SUPT3H: variants seen among roughly 807,000 people sequenced by gnomAD.
SUPT3H encodes the protein SPT3 homolog, SAGA and STAGA complex component, also known as transcription initiation protein SPT3 homolog.
In SUPT3H, 44 loss-of-function variants were observed where a neutral mutation model predicts 44.3. The ratio of observed to expected loss-of-function variants is 0.99; its 90% confidence interval spans 0.78 to 1.28. The LOEUF (loss-of-function observed/expected upper bound fraction) is 1.28, where lower values mean the gene tolerates loss of function less well. Ranked by LOEUF, SUPT3H falls within the 50% of genes most tolerant of loss-of-function variation. The pLI, the probability that SUPT3H is intolerant of heterozygous loss-of-function variation, is 0.00. For synonymous variants in SUPT3H, 124 were observed against 125.6 expected (o/e 0.99, Z 0.09); for missense variants, 380 against 387.1 (o/e 0.98, Z 0.15).
chr6:45,308,753 AT>A (rs751565261), intron 2 of SUPT3H, among the ~76,000 whole-genome samples: 842 of 14,652 alleles, frequency 0.057, 4 homozygotes, highest in South Asian at 0.097. Flanking sequence ...AAAAAAATAA[AT>A]TTAAAAAAAA....
At chr6:45,173,167 C>T (rs1295560001) in intron 2 of SUPT3H, among the ~76,000 whole-genome samples, 2 of 152,108 alleles carry the variant, frequency 1.3e-5, no homozygotes, top group East Asian at 3.9e-4. Flanking sequence ...TAATATCTAT[C>T]ACCAAAATAA....
In SUPT3H at chr6:45,023,161, G is replaced by GA. The variant is rs373426308; in HGVS notation, c.187-2530dup. The stretch of plus-strand genomic sequence containing the variant: ...ACATAGATGTGGCCAACAAGCATTT[G>GA]AAAAAAAAAGCTCAGTAACACTGAT... On this transcript the variant is annotated intron_variant, in intron 3 of 10. Transcript: ENST00000371459. Among the ~76,000 whole-genome samples, 1,311 of 145,320 alleles carry GA rather than the reference G, an allele frequency of 9.0e-3. 24 individuals carry two copies. Among genetic ancestry groups the GA allele is most frequent in the African/African-American group, 0.031 (1,231 of 39,588 alleles).
chr6:44,912,538 A>C (rs1767217132), intron 10 of SUPT3H, among the ~76,000 whole-genome samples: 1 of 152,144 alleles, frequency 6.6e-6, no homozygotes. Flanking sequence ...GAACCTGAAC[A>C]ATGTTTGTGA....
At chr6:44,839,702 GT>G (rs915569024) in intron 10 of SUPT3H, among the ~76,000 whole-genome samples, 36 of 148,882 alleles carry the variant, frequency 2.4e-4, no homozygotes, top group East Asian at 2.0e-4. Context: ...TTCAGCACCA[GT>G]TTTTTTTTTC....
intron 9 of SUPT3H, among the ~76,000 whole-genome samples, chr6:44,938,349 G>A (rs891705748): frequency 1.3e-5 from 2 of 151,996 alleles, no homozygotes; most frequent in Non-Finnish European, 2.9e-5. Flanking sequence ...CCCAGTGTAT[G>A]CTCTTGTTAA....
intron 3 of SUPT3H, among the ~76,000 whole-genome samples, chr6:45,083,680 C>T (rs1393070371): frequency 6.6e-6 from 1 of 151,606 alleles, no homozygotes; most frequent in Non-Finnish European, 1.5e-5. Context: ...GCATCATATA[C>T]CTGACTTCAT....
At chr6:45,305,654 A>G (rs898400341) in intron 2 of SUPT3H, among the ~76,000 whole-genome samples, 6 of 152,324 alleles carry the variant, frequency 3.9e-5, no homozygotes, top group African/African-American at 1.4e-4. Context: ...TAGATGATTC[A>G]AAACCATACA....
At chr6:45,230,687 T>TATATATA (rs1562747092) in intron 2 of SUPT3H, among the ~76,000 whole-genome samples, 8 of 99,696 alleles carry the variant, frequency 8.0e-5, no homozygotes, top group South Asian at 3.1e-4. Flanking sequence ...TATATATATA[T>TATATATA]TTTTGAGATG....
At chr6:44,818,774 T>C (rs1767076440) in intron 11 of SUPT3H, among the ~76,000 whole-genome samples, 1 of 152,142 alleles carries the variant, frequency 6.6e-6, no homozygotes, top group South Asian at 2.1e-4. Flanking sequence ...CTGGAATGGC[T>C]AAAATTAAAG....
intron 10 of SUPT3H, among the ~76,000 whole-genome samples, chr6:44,836,537 G>T (rs770298916): frequency 1.3e-5 from 2 of 152,014 alleles, no homozygotes; most frequent in African/African-American, 4.8e-5. Flanking sequence ...TTTTATGCCC[G>T]ATTTTCCCTA....
chr6:45,224,890 A>G (rs763296522), intron 2 of SUPT3H, among the ~76,000 whole-genome samples: 3 of 152,156 alleles, frequency 2.0e-5, no homozygotes, highest in Non-Finnish European at 4.4e-5. Context: ...TATCATTGCC[A>G]CTATAATAAA....
chr6:45,144,134 C>T (rs2153591805), intron 2 of SUPT3H, among the ~76,000 whole-genome samples: 1 of 152,142 alleles, frequency 6.6e-6, no homozygotes, highest in East Asian at 1.9e-4. Flanking sequence ...AGAACTGACG[C>T]CACTTAGTGA....
intron 3 of SUPT3H, among the ~76,000 whole-genome samples, chr6:45,054,753 T>A (rs1240538702): frequency 6.6e-6 from 1 of 152,164 alleles, no homozygotes; most frequent in East Asian, 1.9e-4. Flanking sequence ...CTCAGCTGCC[T>A]ACTTATCAAT....
intron 2 of SUPT3H, among the ~76,000 whole-genome samples, chr6:45,364,605 T>A (rs960049826): frequency 6.6e-6 from 1 of 152,156 alleles, no homozygotes; most frequent in African/African-American, 2.4e-5. Flanking sequence ...AGAGATATAG[T>A]TTCACTTAAT....
intron 10 of SUPT3H, among the ~76,000 whole-genome samples, chr6:44,870,920 G>A (rs1475470621): frequency 1.3e-5 from 2 of 151,666 alleles, no homozygotes; most frequent in South Asian, 2.1e-4. Context: ...ACTCCCACCC[G>A]AATATTGCGC....
intron 10 of SUPT3H, among the ~76,000 whole-genome samples, chr6:44,846,539 T>G (rs975605892): frequency 6.6e-6 from 1 of 152,038 alleles, no homozygotes; most frequent in Non-Finnish European, 1.5e-5. Flanking sequence ...AAGACCAGGA[T>G]AGATGTCTAT....
At chr6:45,308,177 A>T (rs1398896942) in intron 2 of SUPT3H, among the ~76,000 whole-genome samples, 8 of 151,990 alleles carry the variant, frequency 5.3e-5, no homozygotes, top group Admixed American at 5.2e-4. Context: ...CCAAGTTGGA[A>T]AACACTCTGC....
At chr6:44,902,745 C>A (rs1188648119) in intron 10 of SUPT3H, among the ~76,000 whole-genome samples, 1 of 152,194 alleles carries the variant, frequency 6.6e-6, no homozygotes, top group African/African-American at 2.4e-5. Context: ...CAGCACCACA[C>A]TGCACTTACT....
At chr6:45,018,350 C>T (rs1274796627) in intron 4 of SUPT3H, among the ~76,000 whole-genome samples, 2 of 151,162 alleles carry the variant, frequency 1.3e-5, no homozygotes, top group African/African-American at 4.9e-5. Flanking sequence ...CCTTCTCCTG[C>T]CTAATTGCCC....
Sources: allele counts gnomAD v4.1 joint callset (sites outside exome capture counted in the v4.1 genomes callset), GRCh38; gene constraint gnomAD v4.1.1; transcripts MANE v1.5; gene names NCBI Gene and HGNC (gene_info 2026-07-23, HGNC 2026-07-21).